The following ANKS1B variants were observed in gnomAD, a reference collection of about 807,000 sequenced individuals.
ANKS1B encodes the protein ankyrin repeat and sterile alpha motif domain containing 1B, also known as ankyrin repeat and sterile alpha motif domain-containing protein 1B.
In ANKS1B, 36 loss-of-function variants were observed where a neutral mutation model predicts 148.3. The ratio of observed to expected loss-of-function variants is 0.24; its 90% CI spans 0.19 to 0.32. The LOEUF is 0.32. Among genes scored for constraint, ANKS1B ranks in the 10% least tolerant of loss-of-function variants. The pLI is 1.00. For synonymous variants in ANKS1B, 542 were observed against 560.8 expected (o/e 0.97, Z 0.47); for missense variants, 1,157 against 1,542.6 (o/e 0.75, Z 4.19).
At chr12:99,737,125 A>C (rs2059684331) in intron 8 of ANKS1B, among the ~76,000 whole-genome samples, 1 of 152,146 alleles carries the variant, frequency 6.6e-6, no homozygotes, top group African/African-American at 2.4e-5. Context: ...AACAGTATGG[A>C]GATTTTTCAA....
intron 7 of ANKS1B, 104 bp from the exon 8 acceptor site, chr12:99,773,192 C>CA (rs2063351327): frequency 2.2e-6 from 2 of 895,300 alleles, no homozygotes; most frequent in African/African-American, 3.4e-5. Context: ...CAAAATATAA[C>CA]AAGATTAAGC....
intron 12 of ANKS1B, among the ~76,000 whole-genome samples, chr12:99,388,769 C>T (rs1467538582): frequency 6.6e-6 from 1 of 152,188 alleles, no homozygotes; most frequent in Non-Finnish European, 1.5e-5. Flanking sequence ...TGCTTCCTTG[C>T]AGCTGCAGAG....
At chr12:98,964,098 C>CA (rs111718060) in intron 17 of ANKS1B, among the ~76,000 whole-genome samples, 2,700 of 141,640 alleles carry the variant, frequency 0.019, 74 homozygotes, top group African/African-American at 0.054. Flanking sequence ...AACTCCGCCT[C>CA]AAAAAAAAAA....
chr12:98,753,651 TC>T (rs2153408588), intron 25 of ANKS1B, among the ~76,000 whole-genome samples: 1 of 152,242 alleles, frequency 6.6e-6, no homozygotes, highest in African/African-American at 2.4e-5. Context: ...GAGCTTGAAC[TC>T]CCCACATCAG....
intron 12 of ANKS1B, among the ~76,000 whole-genome samples, chr12:99,257,142 G>C (rs2075361005): frequency 6.6e-6 from 1 of 152,062 alleles, no homozygotes; most frequent in Admixed American, 6.5e-5. Flanking sequence ...TACTCCGGAG[G>C]CTGAGGCAGG....
intron 17 of ANKS1B, among the ~76,000 whole-genome samples, chr12:98,896,991 T>G (rs2152746782): frequency 6.6e-6 from 1 of 152,314 alleles, no homozygotes; most frequent in African/African-American, 2.4e-5. Flanking sequence ...CTACAGGCTA[T>G]TTGGAAAGGA....
rs753545009 is a variant in ANKS1B, at chr12:99,806,468, G to A, written c.605C>T (p.Ala202Val). ...CACGACTGCTTTGTGGCCATTGCGC[G>A]CAGCAAGGTGAAGTGGCGTGTGCTT... ...TRKHTPLHLA[A>V]RNGHKAVVQV... Residue 202 changes from alanine (A) to valine (V), a missense_variant, in exon 4 of 27, where the codon GCG becomes GTG. Ala to Val is a moderately conservative substitution (Grantham distance 64). This residue lies in a region of ANKS1B where 26 missense variants were observed against 83.4 expected (regional missense o/e 0.31). Transcript: ENST00000683438. The A allele has an allele frequency of 4.3e-6, 7 of 1,613,828 alleles. No homozygotes were observed. Among genetic ancestry groups the A allele is most frequent in the African/African-American group, 1.3e-5 (1 of 74,914 alleles).
chr12:98,958,034 T>C (rs577751166), intron 17 of ANKS1B, among the ~76,000 whole-genome samples: 1 of 152,206 alleles, frequency 6.6e-6, no homozygotes, highest in Admixed American at 6.5e-5. Flanking sequence ...ACCTTCTATA[T>C]TTGTCTGTTC....
chr12:98,772,752 G>A (rs2098604394), intron 25 of ANKS1B, among the ~76,000 whole-genome samples: 1 of 152,168 alleles, frequency 6.6e-6, no homozygotes, highest in South Asian at 2.1e-4. Context: ...AACCATATCA[G>A]CCGCCATCTA....
chr12:98,777,932 T>G (rs1411876705), intron 24 of ANKS1B, among the ~76,000 whole-genome samples: 4 of 152,192 alleles, frequency 2.6e-5, no homozygotes, highest in Admixed American at 1.3e-4. Context: ...CACTTCAAAC[T>G]AATTTGTGGA....
chr12:99,133,397 A>G (rs896332520), intron 15 of ANKS1B, among the ~76,000 whole-genome samples: 4 of 152,102 alleles, frequency 2.6e-5, no homozygotes, highest in Non-Finnish European at 4.4e-5. Flanking sequence ...CCATGGCAAT[A>G]TTTAGTGTTA....
chr12:99,358,794 C>T (rs1316858671), intron 12 of ANKS1B, among the ~76,000 whole-genome samples: 1 of 152,014 alleles, frequency 6.6e-6, no homozygotes, highest in Non-Finnish European at 1.5e-5. Context: ...TGTCAGATGA[C>T]ATGAATAGAA....
At chr12:99,871,888 T>C (rs1434374891) in intron 1 of ANKS1B, among the ~76,000 whole-genome samples, 1 of 152,180 alleles carries the variant, frequency 6.6e-6, no homozygotes, top group Non-Finnish European at 1.5e-5. Flanking sequence ...TTTTCCTATT[T>C]GGATACCTTG....
intron 8 of ANKS1B, among the ~76,000 whole-genome samples, chr12:99,657,891 C>T (rs2098457518): frequency 7.7e-6 from 1 of 129,532 alleles, no homozygotes; most frequent in South Asian, 2.7e-4. Context: ...TCTCTTTCTC[C>T]TCCCTCAAAA....
chr12:99,499,183 T>C (rs2096632415), intron 10 of ANKS1B, among the ~76,000 whole-genome samples: 1 of 152,226 alleles, frequency 6.6e-6, no homozygotes, highest in Non-Finnish European at 1.5e-5. Flanking sequence ...TTTTGATCTA[T>C]ATTCATCCCA....
chr12:98,778,781 C>T (rs996536057), intron 24 of ANKS1B, among the ~76,000 whole-genome samples: 7 of 152,160 alleles, frequency 4.6e-5, no homozygotes, highest in East Asian at 1.9e-4. Flanking sequence ...TCCACCAATA[C>T]GGCCTTCCAC....
intron 12 of ANKS1B, among the ~76,000 whole-genome samples, chr12:99,358,189 T>C (rs2092188365): frequency 1.3e-5 from 2 of 152,140 alleles, no homozygotes; most frequent in Non-Finnish European, 1.5e-5. Flanking sequence ...TTAATTTTTA[T>C]GTAGTAAAAC....
chr12:99,868,246 ATTTC>A (rs1346436421), intron 1 of ANKS1B, among the ~76,000 whole-genome samples: 1 of 152,214 alleles, frequency 6.6e-6, no homozygotes. Context: ...AGAAGAGCTA[ATTTC>A]TTTATCTGAA....
At chr12:99,185,009 T>C (rs1258189732) in intron 14 of ANKS1B, among the ~76,000 whole-genome samples, 1 of 152,230 alleles carries the variant, frequency 6.6e-6, no homozygotes. Flanking sequence ...AGTACAGTGA[T>C]TGTGTTTATG....
Sources: gnomAD v4.1 joint callset for allele counts (sites outside exome capture counted in the v4.1 genomes callset) on GRCh38, gnomAD v4.1.1 for gene constraint, gnomAD v4.1.1 regional missense constraint, MANE v1.5 for transcripts, NCBI Gene and HGNC (gene_info 2026-07-23, HGNC 2026-07-21) for gene names.